The following CLIC4 variants were observed in gnomAD, a reference collection of about 807,000 sequenced individuals.
CLIC4 encodes chloride intracellular channel protein 4.
CLIC4 carries 13 observed loss-of-function variants against 24.6 expected under a neutral mutation model. The observed-to-expected ratio is 0.53, with a 90% CI of 0.34 to 0.84. CLIC4 has a LOEUF of 0.84. CLIC4 is among the 40% of genes least tolerant of loss of function. The pLI is 0.01. For missense variants in CLIC4, 227 were observed against 301.7 expected (o/e 0.75, Z 1.83); for synonymous variants, 104 against 111.3 (o/e 0.93, Z 0.41).
chr1:24,757,253 A>G (rs1233012309), intron 1 of CLIC4, among the ~76,000 whole-genome samples: 1 of 150,928 alleles, frequency 6.6e-6, no homozygotes, highest in African/African-American at 2.4e-5. Flanking sequence ...CTGATCTTGA[A>G]CTCTTGACCT....
At chr1:24,797,036 C>T (rs1211118217) in intron 1 of CLIC4, among the ~76,000 whole-genome samples, 1 of 151,420 alleles carries the variant, frequency 6.6e-6, no homozygotes, top group East Asian at 1.9e-4. Flanking sequence ...ACACTGCAAC[C>T]TCTGTGTCCC....
intron 2 of CLIC4, among the ~76,000 whole-genome samples, chr1:24,799,628 G>T (rs1378726572): frequency 1.5e-5 from 2 of 135,438 alleles, no homozygotes; most frequent in Non-Finnish European, 3.1e-5. Context: ...CCGGCCAGCC[G>T]CCCCGTCGGG....
chr1:24,782,166 T>A (rs1639212926), intron 1 of CLIC4, among the ~76,000 whole-genome samples: 1 of 152,102 alleles, frequency 6.6e-6, no homozygotes, highest in Non-Finnish European at 1.5e-5. Context: ...GAACATCAAA[T>A]GTACTGTTAT....
chr1:24,840,971 T>G lies in CLIC4; in HGVS notation c.*34T>G. 6.4e-7 allele frequency: 1 copy of G among 1,558,956 alleles called. No homozygotes were observed. ...TTGTAAAAGAGATGTCTTCATGTCT[T>G]CCCCTAAGAATACGCTTTTCCTAAC... is the stretch of plus-strand genomic sequence containing the variant. On this transcript the variant is annotated 3_prime_UTR_variant, in exon 6 of 6. Transcript: ENST00000374379.
intron 1 of CLIC4, among the ~76,000 whole-genome samples, chr1:24,747,326 G>A (rs1638712892): frequency 6.6e-6 from 1 of 151,784 alleles, no homozygotes; most frequent in South Asian, 2.1e-4. Context: ...ACGAGGTCAG[G>A]AGATCGAGAC....
At chr1:24,822,291 C>T (rs1347061002) in intron 3 of CLIC4, among the ~76,000 whole-genome samples, 1 of 149,952 alleles carries the variant, frequency 6.7e-6, no homozygotes, top group Non-Finnish European at 1.5e-5. Flanking sequence ...GTTTACTTGA[C>T]TGTGAACAAG....
intron 4 of CLIC4, among the ~76,000 whole-genome samples, chr1:24,838,503 G>A (rs1214919567): frequency 6.6e-6 from 1 of 152,176 alleles, no homozygotes; most frequent in Non-Finnish European, 1.5e-5. Context: ...TTGGGGTTAG[G>A]ACATATGTAC....
chr1:24,819,882 G>C (rs1364717900), intron 3 of CLIC4, among the ~76,000 whole-genome samples: 1 of 149,350 alleles, frequency 6.7e-6, no homozygotes, highest in Non-Finnish European at 1.5e-5. Flanking sequence ...TGGGATTACA[G>C]GTGCCCGCCA....
intron 1 of CLIC4, among the ~76,000 whole-genome samples, chr1:24,759,359 T>G: frequency 6.6e-6 from 1 of 152,138 alleles, no homozygotes; most frequent in East Asian, 1.9e-4. Flanking sequence ...AATGAGCCCC[T>G]TGTGTTCAAG....
intron 1 of CLIC4, among the ~76,000 whole-genome samples, chr1:24,775,940 A>T (rs762449616): frequency 6.6e-5 from 10 of 151,996 alleles, no homozygotes; most frequent in African/African-American, 2.4e-4. Flanking sequence ...TATATATATA[A>T]ATTTTGTTAT....
At chr1:24,798,898 C>T (rs1364711719) in intron 2 of CLIC4, among the ~76,000 whole-genome samples, 3 of 152,266 alleles carry the variant, frequency 2.0e-5, no homozygotes, top group South Asian at 2.1e-4. Flanking sequence ...CCGCCAGCCT[C>T]GGCCTCCCGA....
At chr1:24,840,143 A>C in intron 5 of CLIC4, 102 bp downstream of exon 5, 1 of 1,139,744 alleles carries the variant, frequency 8.8e-7, no homozygotes, top group Non-Finnish European at 1.3e-6. Context: ...TTATATGACT[A>C]GTTGTTTAAC....
chr1:24,766,748 C>T (rs1243856532), intron 1 of CLIC4, among the ~76,000 whole-genome samples: 9 of 151,022 alleles, frequency 6.0e-5, no homozygotes, highest in African/African-American at 1.2e-4. Flanking sequence ...TGAAGTGATC[C>T]GCCCACCTTG....
intron 1 of CLIC4, chr1:24,793,362 G>C (rs1300868876): frequency 6.6e-6 from 1 of 152,072 alleles, no homozygotes; most frequent in African/African-American, 2.4e-5. Flanking sequence ...ATTGACTTGG[G>C]TTCTGAGAAT....
chr1:24,840,984 C>T lies in CLIC4; in HGVS notation c.*47C>T, dbSNP rs766734384. ...GTCTTCATGTCTTCCCCTAAGAATACGCTTTTCCTAACAGGCTACTCCTTC... is the reference window on the plus strand; with the variant it reads ...GTCTTCATGTCTTCCCCTAAGAATATGCTTTTCCTAACAGGCTACTCCTTC... On this transcript the variant is annotated 3_prime_UTR_variant, in exon 6 of 6. Coordinates refer to ENST00000374379, the MANE Select transcript of CLIC4 (RefSeq NM_013943.3). 22 of 1,508,446 alleles carry T rather than the reference C, an allele frequency of 1.5e-5. No homozygotes were observed. In the Middle Eastern group the frequency reaches 5.2e-4, roughly 36 times the overall value. 93.4% of individuals were successfully genotyped at this position (1,508,446 alleles called of 1,614,324 possible).
At chr1:24,833,446 T>C (rs1441253623) in intron 4 of CLIC4, among the ~76,000 whole-genome samples, 6 of 832 alleles carry the variant, frequency 7.2e-3, no homozygotes, top group African/African-American at 0.01. Flanking sequence ...TGACCCCCCC[T>C]CCCCCCTCCC....
chr1:24,752,967 C>T (rs1360835967), intron 1 of CLIC4, among the ~76,000 whole-genome samples: 2 of 152,172 alleles, frequency 1.3e-5, no homozygotes, highest in African/African-American at 2.4e-5. Flanking sequence ...ATGATCTGCC[C>T]GCCTTGGCCT....
Position 24,839,796 on chromosome 1 carries a change from C to T in CLIC4, c.416-64C>T, listed in dbSNP as rs1177287865. ...AGTTATTGACTCAAAGAGTCTGCTT[C>T]TCCTTGGGGACTTGAGTGGTTTTCC... On this transcript the variant is annotated intron_variant, in intron 4 of 5. Transcript: ENST00000374379. 2.9e-6 allele frequency: 4 copies of T among 1,401,744 alleles called. No individual in the cohort carries two copies. In the African/African-American group the frequency reaches 4.3e-5, roughly 15 times the overall value. The allele number at this position is 1,401,744 out of a possible 1,614,324, so 86.8% of individuals were successfully genotyped here.
At chr1:24,816,930 G>A (rs965952255) in intron 3 of CLIC4, among the ~76,000 whole-genome samples, 1 of 152,196 alleles carries the variant, frequency 6.6e-6, no homozygotes, top group Non-Finnish European at 1.5e-5. Flanking sequence ...CTGTAGAGTA[G>A]CTTCAGTATA....
Sources: allele counts gnomAD v4.1 joint callset (sites outside exome capture counted in the v4.1 genomes callset), GRCh38; gene constraint gnomAD v4.1.1; transcripts MANE v1.5; gene names NCBI Gene and HGNC (gene_info 2026-07-23, HGNC 2026-07-21).